Variants in CRCP observed in about 807,000 individuals in gnomAD.
CRCP encodes DNA-directed RNA polymerase III subunit RPC9.
A neutral mutation model predicts 18.5 loss-of-function variants in CRCP; 18 were observed. That is an observed-to-expected ratio of 0.97 (90% confidence interval 0.67 to 1.44). The LOEUF (loss-of-function observed/expected upper bound fraction) is 1.44. Ranked by LOEUF, CRCP falls within the 40% of genes most tolerant of loss-of-function variation. The probability of loss-of-function intolerance (pLI) is 0.00; values close to 1 mark genes in which losing one functional copy is unlikely to be tolerated. For synonymous variants in CRCP, 53 were observed against 62.9 expected, an observed-to-expected ratio of 0.84 and a Z score of 0.75; for missense variants, 130 against 176.4, an observed-to-expected ratio of 0.74 and a Z score of 1.49.
intron 4 of CRCP, among the ~76,000 whole-genome samples, chr7:66,140,590 C>T (rs749205658): frequency 6.6e-6 from 1 of 152,030 alleles, no homozygotes; most frequent in Non-Finnish European, 1.5e-5. Context: ...CGGGGTTTCT[C>T]CATGTTGGCC....
At chr7:66,116,811 G>A (rs1394290835) in intron 1 of CRCP, among the ~76,000 whole-genome samples, 2 of 151,880 alleles carry the variant, frequency 1.3e-5, no homozygotes, top group African/African-American at 4.8e-5. Context: ...ACTGGTCTAC[G>A]GGAATGACTG....
intron 4 of CRCP, 21 bp from the exon 5 acceptor site, chr7:66,145,421 AC>A: frequency 6.2e-7 from 1 of 1,613,300 alleles, no homozygotes; most frequent in Non-Finnish European, 8.5e-7. Flanking sequence ...CGAGTTGTCA[AC>A]GCTGTACTTT....
At chr7:66,134,562 T>G (rs969084118) in intron 4 of CRCP, 188 bp downstream of exon 4, 2 of 411,924 alleles carry the variant, frequency 4.9e-6, no homozygotes, top group Non-Finnish European at 8.5e-6. Flanking sequence ...TTTTTTTTTT[T>G]ATAAATGAAG....
At chr7:66,122,795 G>C (rs1212535234) in intron 1 of CRCP, among the ~76,000 whole-genome samples, 1 of 152,094 alleles carries the variant, frequency 6.6e-6, no homozygotes, top group Non-Finnish European at 1.5e-5. Context: ...GAGGCCTCTT[G>C]CCTGAGCTTG....
intron 1 of CRCP, among the ~76,000 whole-genome samples, chr7:66,125,717 C>T (rs1304379176): frequency 2.0e-5 from 3 of 149,240 alleles, no homozygotes; most frequent in Non-Finnish European, 3.0e-5. Context: ...AAATTTCCCA[C>T]GACGTGGAAT....
At chr7:66,115,227 G>A (rs1480946366) in intron 1 of CRCP, among the ~76,000 whole-genome samples, 2 of 152,174 alleles carry the variant, frequency 1.3e-5, no homozygotes, top group African/African-American at 4.8e-5. Context: ...GCCTTTCAAT[G>A]TGCCCCCTCC....
intron 4 of CRCP, among the ~76,000 whole-genome samples, chr7:66,135,089 T>C (rs1381418891): frequency 6.6e-6 from 1 of 152,204 alleles, no homozygotes; most frequent in Non-Finnish European, 1.5e-5. Context: ...GCTTCTTCCC[T>C]AATGATTCAA....
rs774261661 is a variant in CRCP, at chr7:66,145,423, G to A, written c.240-20G>A. ...ACTTAGGGCTATGCGAGTTGTCAAC[G>A]CTGTACTTTCCCTCCACAGAGCTGA... On this transcript the variant is annotated intron_variant, in intron 4 of 5. Transcript: ENST00000395326. 12 of 1,613,160 alleles carry A rather than the reference G, an allele frequency of 7.4e-6. No individual in the cohort carries two copies. Among genetic ancestry groups the A allele is most frequent in the Middle Eastern group, 1.7e-4 (1 of 6,056 alleles).
At chr7:66,116,031 T>C (rs1480260688) in intron 1 of CRCP, among the ~76,000 whole-genome samples, 2 of 152,118 alleles carry the variant, frequency 1.3e-5, no homozygotes, top group African/African-American at 4.8e-5. Flanking sequence ...GCTCCTGAGC[T>C]CAAGTGATCC....
intron 5 of CRCP, among the ~76,000 whole-genome samples, chr7:66,151,896 A>ATT (rs78469253): frequency 1.3e-5 from 2 of 149,920 alleles, no homozygotes; most frequent in South Asian, 2.1e-4. Flanking sequence ...TGCTTGGTTG[A>ATT]TTTTTTTTGT....
In CRCP at chr7:66,114,854, A is replaced by C; in HGVS notation, c.-109A>C. 1 of 1,599,796 alleles carries C rather than the reference A, an allele frequency of 6.3e-7. No homozygotes were observed. Among genetic ancestry groups the C allele is most frequent in the Non-Finnish European group, 8.6e-7 (1 of 1,168,980 alleles). ...ATGCAGCGCGGCGATCCCGGCGAGC[A>C]CCTTGGCGCGCGGAGCTGGCACCTT... On this transcript the variant is annotated 5_prime_UTR_variant, in exon 1 of 6. Transcript: ENST00000395326.
chr7:66,126,208 G>C (rs1787612884), intron 1 of CRCP, among the ~76,000 whole-genome samples: 1 of 149,192 alleles, frequency 6.7e-6, no homozygotes, highest in Middle Eastern at 3.2e-3. Flanking sequence ...ATGACCTAAG[G>C]CCGAGGTCTA....
intron 1 of CRCP, 40 bp downstream of exon 1, chr7:66,115,010 C>G (rs771160295): frequency 2.5e-6 from 4 of 1,599,666 alleles, no homozygotes; most frequent in Non-Finnish European, 3.4e-6. Context: ...CCCGAGGAGC[C>G]CAACGGTTTG....
chr7:66,142,693 C>T (rs1007392976), intron 4 of CRCP, among the ~76,000 whole-genome samples: 2 of 152,134 alleles, frequency 1.3e-5, no homozygotes, highest in African/African-American at 2.4e-5. Context: ...GACAGAGTCT[C>T]ACTTTGTTGC....
At chr7:66,146,105 G>T (rs193123655) in intron 5 of CRCP, among the ~76,000 whole-genome samples, 36 of 152,202 alleles carry the variant, frequency 2.4e-4, no homozygotes, top group Non-Finnish European at 3.8e-4. Context: ...CGGCTCTTGC[G>T]GTTATCCTCT....
At chr7:66,130,946 C>A (rs1787783239) in intron 3 of CRCP, 104 bp downstream of exon 3, 1 of 714,836 alleles carries the variant, frequency 1.4e-6, no homozygotes, top group Non-Finnish European at 2.5e-6. Flanking sequence ...TTTATATGAT[C>A]TGAATGTTTT....
chr7:66,151,396 C>G (rs953322548), intron 5 of CRCP, among the ~76,000 whole-genome samples: 3 of 151,964 alleles, frequency 2.0e-5, no homozygotes, highest in Non-Finnish European at 4.4e-5. Context: ...GGTGAAACCC[C>G]GTCTCTACGA....
intron 3 of CRCP, among the ~76,000 whole-genome samples, chr7:66,132,458 G>C (rs1011147271): frequency 6.6e-6 from 1 of 152,180 alleles, no homozygotes; most frequent in Non-Finnish European, 1.5e-5. Context: ...TTTTGAGGAA[G>C]AGTACCACAG....
At chr7:66,126,018 A>T (rs1047181776) in intron 1 of CRCP, among the ~76,000 whole-genome samples, 1 of 149,494 alleles carries the variant, frequency 6.7e-6, no homozygotes, top group African/African-American at 2.4e-5. Context: ...CACATGCACT[A>T]ATTATGCATT....
Sources: gnomAD v4.1 joint callset for allele counts (sites outside exome capture counted in the v4.1 genomes callset) on GRCh38, gnomAD v4.1.1 for gene constraint, MANE v1.5 for transcripts, NCBI Gene and HGNC (gene_info 2026-07-23, HGNC 2026-07-21) for gene names.